The following IQCJ variants were observed in gnomAD, a reference collection of about 807,000 sequenced individuals.
The protein encoded by IQCJ is IQ domain-containing protein J.
A neutral mutation model predicts 11.0 loss-of-function variants in IQCJ; 9 were observed. That is an observed-to-expected ratio of 0.82 (90% CI 0.49 to 1.43). IQCJ has a LOEUF of 1.43. Ranked by LOEUF, IQCJ falls within the 40% of genes most tolerant of loss-of-function variation. The pLI is 0.00. For synonymous variants in IQCJ, 55 were observed against 51.3 expected (o/e 1.07, Z -0.31); for missense variants, 146 against 133.2 (o/e 1.10, Z -0.47).
chr3:159,162,959 A>G (rs1487556935), intron 1 of IQCJ, among the ~76,000 whole-genome samples: 4 of 152,222 alleles, frequency 2.6e-5, no homozygotes, highest in African/African-American at 9.6e-5. Context: ...AGAGTCCAGG[A>G]CCAGATGGAT....
At chr3:159,251,686 T>C (rs1727612031) in intron 2 of IQCJ, among the ~76,000 whole-genome samples, 1 of 152,088 alleles carries the variant, frequency 6.6e-6, no homozygotes, top group Non-Finnish European at 1.5e-5. Flanking sequence ...TTAAATATAT[T>C]ACCTATGAAA....
chr3:159,162,010 A>G (rs1362301833), intron 1 of IQCJ, among the ~76,000 whole-genome samples: 6 of 152,156 alleles, frequency 3.9e-5, no homozygotes, highest in African/African-American at 1.2e-4. Context: ...ACTTGGCGAC[A>G]CGGGCTCTTT....
At chr3:159,240,610 C>T (rs75189245) in intron 1 of IQCJ, among the ~76,000 whole-genome samples, 1,717 of 152,258 alleles carry the variant, frequency 0.011, 34 homozygotes, top group African/African-American at 0.04. Context: ...TTTATATAGA[C>T]ACTCTATAAT....
chr3:159,172,252 C>A (rs1402534454), intron 1 of IQCJ, among the ~76,000 whole-genome samples: 1 of 151,988 alleles, frequency 6.6e-6, no homozygotes, highest in Non-Finnish European at 1.5e-5. Flanking sequence ...ATGGAATAGT[C>A]ATTAAAAATG....
chr3:159,144,820 A>AT (rs1367096352), intron 1 of IQCJ, among the ~76,000 whole-genome samples: 1 of 152,160 alleles, frequency 6.6e-6, no homozygotes, highest in Non-Finnish European at 1.5e-5. Flanking sequence ...ATTAAATGAA[A>AT]TTTTTTATCC....
At chr3:159,223,776 T>G (rs1725687230) in intron 1 of IQCJ, among the ~76,000 whole-genome samples, 1 of 152,098 alleles carries the variant, frequency 6.6e-6, no homozygotes, top group Non-Finnish European at 1.5e-5. Flanking sequence ...ACCAACATGA[T>G]GCCACAAGTG....
intron 1 of IQCJ, among the ~76,000 whole-genome samples, chr3:159,159,661 GT>G (rs1417125352): frequency 1.3e-5 from 2 of 152,078 alleles, no homozygotes; most frequent in Admixed American, 6.5e-5. Context: ...TGGTTTGTAT[GT>G]TTTGTTCCCT....
At chr3:159,138,927 A>G (rs1016785138) in intron 1 of IQCJ, among the ~76,000 whole-genome samples, 1 of 152,230 alleles carries the variant, frequency 6.6e-6, no homozygotes, top group Non-Finnish European at 1.5e-5. Flanking sequence ...TATGAAAAAC[A>G]GTTATTTGCC....
chr3:159,084,010 A>G (rs925709909), intron 1 of IQCJ, among the ~76,000 whole-genome samples: 4 of 152,056 alleles, frequency 2.6e-5, no homozygotes, highest in Non-Finnish European at 5.9e-5. Flanking sequence ...ATGAACCCAT[A>G]TATGTGATAA....
At chr3:159,092,461 A>G (rs1717383661) in intron 1 of IQCJ, among the ~76,000 whole-genome samples, 1 of 151,820 alleles carries the variant, frequency 6.6e-6, no homozygotes, top group African/African-American at 2.4e-5. Context: ...GCACTTTGGG[A>G]GGCCAAGGTG....
intron 2 of IQCJ, among the ~76,000 whole-genome samples, chr3:159,250,265 C>T (rs958906668): frequency 1.3e-5 from 2 of 152,068 alleles, no homozygotes; most frequent in Non-Finnish European, 2.9e-5. Context: ...AATTAGCAAA[C>T]GTGTTAATAT....
chr3:159,077,235 T>C lies in IQCJ; in HGVS notation c.9+7794T>C, dbSNP rs150155987. Among the ~76,000 whole-genome samples the C allele has an allele frequency of 4.3e-3, 653 of 152,240 alleles. 10 individuals are homozygous for C. Among genetic ancestry groups the C allele is most frequent in the Non-Finnish European group, 4.1e-3 (280 of 67,988 alleles). On this transcript the variant is annotated intron_variant, in intron 1 of 3. Coordinates refer to ENST00000397832, the MANE Select transcript of IQCJ (RefSeq NM_001042706.3). ...TTGTTGGCAAAGGCGGGGCTCTCAATAGTAAGTGTGGGGGAAAAGCAAATT... is the reference window on the plus strand; with the variant it reads ...TTGTTGGCAAAGGCGGGGCTCTCAACAGTAAGTGTGGGGGAAAAGCAAATT...
At chr3:159,196,940 A>G (rs1724020596) in intron 1 of IQCJ, among the ~76,000 whole-genome samples, 3 of 151,956 alleles carry the variant, frequency 2.0e-5, no homozygotes, top group Non-Finnish European at 4.4e-5. Context: ...CTAAACTCCT[A>G]ATTTCCCTTA....
intron 1 of IQCJ, among the ~76,000 whole-genome samples, chr3:159,124,669 C>A (rs1170420054): frequency 6.6e-6 from 1 of 152,138 alleles, no homozygotes; most frequent in Non-Finnish European, 1.5e-5. Context: ...TTCTTATAGA[C>A]CTTACTGTGT....
rs540470664 is a variant in IQCJ, at chr3:159,222,107, G to A, written c.10-23736G>A. On this transcript the variant is annotated intron_variant, in intron 1 of 3. Transcript: ENST00000397832. ...AACTTTCCTGAAATAAAAAATGATC[G>A]AAATAGAACTCCTATATGATCCTGC... 5.9e-5 allele frequency among the ~76,000 whole-genome samples: 9 copies of A among 152,028 alleles called. No individual in the cohort carries two copies. The South Asian group carries it at 6.2e-4, about 11-fold the overall frequency.
chr3:159,132,714 T>C (rs1348870214), intron 1 of IQCJ, among the ~76,000 whole-genome samples: 1 of 152,206 alleles, frequency 6.6e-6, no homozygotes, highest in Non-Finnish European at 1.5e-5. Flanking sequence ...TTTAGGAAGA[T>C]GTCGTATCTA....
At chr3:159,101,264 T>A (rs377519595) in intron 1 of IQCJ, among the ~76,000 whole-genome samples, 3,283 of 148,900 alleles carry the variant, frequency 0.022, 106 homozygotes, top group African/African-American at 0.078. Context: ...CTGCGCCCAC[T>A]GTCTGGCACT....
chr3:159,138,942 A>T (rs1336164260), intron 1 of IQCJ, among the ~76,000 whole-genome samples: 1 of 152,216 alleles, frequency 6.6e-6, no homozygotes, highest in Non-Finnish European at 1.5e-5. Flanking sequence ...TTTGCCTACA[A>T]CAGTGAAATC....
At chr3:159,164,927 C>G (rs1026188153) in intron 1 of IQCJ, among the ~76,000 whole-genome samples, 1 of 152,208 alleles carries the variant, frequency 6.6e-6, no homozygotes, top group Admixed American at 6.5e-5. Flanking sequence ...ACATTTCATT[C>G]TTGACTTCAT....
Sources: gnomAD v4.1 joint callset for allele counts (sites outside exome capture counted in the v4.1 genomes callset) on GRCh38, gnomAD v4.1.1 for gene constraint, MANE v1.5 for transcripts, NCBI Gene and HGNC (gene_info 2026-07-23, HGNC 2026-07-21) for gene names.